The following REV3L variants were observed in gnomAD, a reference collection of about 807,000 sequenced individuals.
REV3L encodes the protein REV3 like, DNA directed polymerase zeta catalytic subunit, also known as DNA polymerase zeta catalytic subunit.
Under a neutral mutation model 299.4 loss-of-function variants are expected in REV3L, and 69 were observed. That is an observed-to-expected ratio of 0.23 (90% CI 0.19 to 0.28). The LOEUF is 0.28. REV3L is among the 10% of genes least tolerant of loss of function. The probability of loss-of-function intolerance (pLI) is 1.00; values close to 1 mark genes in which losing one functional copy is unlikely to be tolerated. For missense variants in REV3L, 3,128 were observed against 3,693.8 expected (o/e 0.85, Z 3.97); for synonymous variants, 1,238 against 1,271.4 (o/e 0.97, Z 0.56).
chr6:111,313,842 T>A (rs1773241940), intron 27 of REV3L, among the ~76,000 whole-genome samples: 1 of 152,216 alleles, frequency 6.6e-6, no homozygotes, highest in African/African-American at 2.4e-5. Context: ...TCCAATTCCA[T>A]ACATGCCATT....
intron 4 of REV3L, among the ~76,000 whole-genome samples, chr6:111,394,773 G>A (rs1362050611): frequency 6.6e-6 from 1 of 150,902 alleles, no homozygotes; most frequent in Non-Finnish European, 1.5e-5. Context: ...TATGATTATG[G>A]CTCACTGCAG....
At position 111,374,259 on chromosome 6, in the gene REV3L, A is replaced by C. The variant is rs773070327; in HGVS notation, c.4096T>G (p.Ser1366Ala). ...ATCTGTGTATTCTGTGCTACCTGAGATAAATGATTGGAAAGGTCAAATATA... is the reference window on the plus strand; with the variant it reads ...ATCTGTGTATTCTGTGCTACCTGAGCTAAATGATTGGAAAGGTCAAATATA... ...KNIFDLSNHL[S>A]QVAQNTQISS... is the part of the protein sequence containing the mutation. The change falls in exon 13 of 32, where the codon TCT (serine) becomes GCT (alanine). Residue 1366 changes from serine to alanine, a missense_variant. Transcript: ENST00000368802. 2 of 1,613,626 alleles carry C rather than the reference A, an allele frequency of 1.2e-6. No homozygotes were observed. The highest frequency in any genetic ancestry group is 1.1e-5 in the South Asian group (1 of 91,062).
chr6:111,385,153 C>T (rs1300616540), intron 9 of REV3L, among the ~76,000 whole-genome samples: 2 of 149,862 alleles, frequency 1.3e-5, no homozygotes, highest in South Asian at 2.1e-4. Context: ...TTAATGAGTA[C>T]AAAAAAATAG....
chr6:111,391,182 C>T (rs1287256529), intron 5 of REV3L, among the ~76,000 whole-genome samples: 1 of 151,858 alleles, frequency 6.6e-6, no homozygotes, highest in Non-Finnish European at 1.5e-5. Context: ...TCTCCTGCCT[C>T]AGCTTCCCAA....
At chr6:111,461,562 G>A (rs1790778306) in intron 1 of REV3L, among the ~76,000 whole-genome samples, 1 of 151,886 alleles carries the variant, frequency 6.6e-6, no homozygotes, top group South Asian at 2.1e-4. Flanking sequence ...ATACTGTAAA[G>A]TCTTAGAGTA....
At chr6:111,453,209 A>G (rs1037423754) in intron 1 of REV3L, among the ~76,000 whole-genome samples, 1 of 152,140 alleles carries the variant, frequency 6.6e-6, no homozygotes, top group Non-Finnish European at 1.5e-5. Context: ...ACACACTCTT[A>G]GGTAAAAATA....
At chr6:111,438,152 C>T (rs544363117) in intron 1 of REV3L, among the ~76,000 whole-genome samples, 2 of 152,186 alleles carry the variant, frequency 1.3e-5, no homozygotes, top group African/African-American at 2.4e-5. Flanking sequence ...GCTGGGATTA[C>T]AGGCATCAGC....
chr6:111,482,351 T>C (rs968474921), intron 1 of REV3L, among the ~76,000 whole-genome samples: 2 of 152,190 alleles, frequency 1.3e-5, no homozygotes, highest in African/African-American at 2.4e-5. Flanking sequence ...GATGTCCCAC[T>C]AGCGACCGAC....
At chr6:111,329,497 C>A (rs754613227) in intron 25 of REV3L, 35 bp downstream of exon 25, 65 of 1,601,598 alleles carry the variant, frequency 4.1e-5, no homozygotes, top group Non-Finnish European at 5.2e-5. Flanking sequence ...GTATTTTAGT[C>A]TCTTTTGAAA....
chr6:111,464,720 G>GGCC, intron 1 of REV3L, among the ~76,000 whole-genome samples: 1 of 152,222 alleles, frequency 6.6e-6, no homozygotes, highest in East Asian at 1.9e-4. Flanking sequence ...AGGAAAACAG[G>GGCC]GCCGGGCATG....
chr6:111,376,807 T>C, intron 12 of REV3L, 50 bp from the exon 13 acceptor site: 1 of 1,415,784 alleles, frequency 7.1e-7, no homozygotes, highest in Non-Finnish European at 9.3e-7. Flanking sequence ...CTTTTAATTT[T>C]TAAGACATTT....
intron 1 of REV3L, among the ~76,000 whole-genome samples, chr6:111,420,558 A>T (rs999105986): frequency 1.3e-5 from 2 of 152,226 alleles, no homozygotes; most frequent in African/African-American, 4.8e-5. Flanking sequence ...AACTGAAGTT[A>T]GACAACAAGT....
intron 2 of REV3L, among the ~76,000 whole-genome samples, chr6:111,414,253 T>A (rs1582898380): frequency 1.3e-5 from 2 of 152,064 alleles, no homozygotes; most frequent in African/African-American, 4.8e-5. Flanking sequence ...AAAGAAAACT[T>A]CTCTGAAGAG....
intron 17 of REV3L, among the ~76,000 whole-genome samples, chr6:111,357,487 T>TC (rs949745422): frequency 1.3e-5 from 2 of 152,030 alleles, no homozygotes; most frequent in Non-Finnish European, 2.9e-5. Context: ...GGTCAGGAGA[T>TC]CAAGACCATC....
At chr6:111,407,110 T>G (rs933547671) in intron 3 of REV3L, among the ~76,000 whole-genome samples, 1 of 152,062 alleles carries the variant, frequency 6.6e-6, no homozygotes, top group African/African-American at 2.4e-5. Flanking sequence ...ATCCTGTGTC[T>G]TAAAAAAACA....
chr6:111,318,021 T>C (rs558184506), intron 26 of REV3L, among the ~76,000 whole-genome samples: 20 of 152,232 alleles, frequency 1.3e-4, no homozygotes, highest in Non-Finnish European at 2.8e-4. Context: ...TTTTGGACTA[T>C]TACGAACAAA....
chr6:111,374,825 G>T lies in REV3L; in HGVS notation c.3530C>A (p.Ser1177Ter). 1 of 1,613,174 alleles carries T rather than the reference G, an allele frequency of 6.2e-7. No homozygotes were observed. The highest frequency in any genetic ancestry group is 1.1e-5 in the South Asian group (1 of 90,846). Residue 1177 changes from serine to a stop codon, truncating the protein, a stop_gained, in exon 13 of 32, where the codon TCA becomes TAA. Coordinates refer to ENST00000368802, the MANE Select transcript of REV3L (RefSeq NM_001372078.1). LOFTEE classifies it high-confidence loss of function. ...TSRARAQIKK[S>*]KAKLANPSIV... Reference sequence around the variant, plus strand: ...AGAGGGATTAGCAAGCTTTGCTTTTGATTTCTTAATCTGTGCTCTTGCGCG... The same window carrying T: ...AGAGGGATTAGCAAGCTTTGCTTTTTATTTCTTAATCTGTGCTCTTGCGCG...
chr6:111,483,477 G>A (rs865855603), upstream of REV3L: 13 of 505,846 alleles, frequency 2.6e-5, no homozygotes, highest in African/African-American at 2.0e-4. Flanking sequence ...GGCAGCGGAA[G>A]GGGCGGCGGA....
At chr6:111,475,104 G>A (rs563080253) in intron 1 of REV3L, among the ~76,000 whole-genome samples, 1 of 149,376 alleles carries the variant, frequency 6.7e-6, no homozygotes, top group African/African-American at 2.5e-5. Context: ...TTAACCACAC[G>A]AATGGCAGCA....
Sources: gnomAD v4.1 joint callset for allele counts (sites outside exome capture counted in the v4.1 genomes callset) on GRCh38, gnomAD v4.1.1 for gene constraint, MANE v1.5 for transcripts, NCBI Gene and HGNC (gene_info 2026-07-23, HGNC 2026-07-21) for gene names.